FMN1: variants seen among roughly 807,000 people sequenced by gnomAD.
The protein encoded by FMN1 is formin 1.
FMN1 carries 110 observed loss-of-function variants against 132.4 expected under a neutral mutation model. That is an observed-to-expected ratio of 0.83 (90% CI 0.71 to 0.97). The LOEUF (loss-of-function observed/expected upper bound fraction) is 0.97, where lower values mean the gene tolerates loss of function less well. FMN1 is among the 50% of genes least tolerant of loss of function. FMN1 has a pLI of 0.00. For missense variants in FMN1, 1,792 were observed against 1,705.3 expected (o/e 1.05, Z -0.90); for synonymous variants, 722 against 651.7 (o/e 1.11, Z -1.64).
intron 4 of FMN1, among the ~76,000 whole-genome samples, chr15:33,147,427 G>A (rs1015046983): frequency 1.3e-5 from 2 of 152,044 alleles, no homozygotes; most frequent in Non-Finnish European, 2.9e-5. Flanking sequence ...TTTTAATCAT[G>A]GTGTTATTCT....
intron 6 of FMN1, among the ~76,000 whole-genome samples, chr15:33,057,298 G>A (rs980979875): frequency 2.0e-5 from 3 of 152,166 alleles, no homozygotes; most frequent in Non-Finnish European, 4.4e-5. Flanking sequence ...TGCTAAAGAT[G>A]TACTATTTAT....
At chr15:32,966,842 A>C (rs7178197) in intron 8 of FMN1, among the ~76,000 whole-genome samples, 7,494 of 152,322 alleles carry the variant, frequency 0.049, 222 homozygotes, top group Middle Eastern at 0.092. Flanking sequence ...GGTATCCCAA[A>C]TAATTGCACT....
At chr15:33,060,793 GT>G in intron 6 of FMN1, among the ~76,000 whole-genome samples, 1 of 152,328 alleles carries the variant, frequency 6.6e-6, no homozygotes, top group Non-Finnish European at 1.5e-5. Context: ...AAGCACGAGT[GT>G]TTTTCTTCAA....
intron 10 of FMN1, among the ~76,000 whole-genome samples, chr15:32,915,861 C>T (rs552485059): frequency 6.6e-6 from 1 of 152,326 alleles, no homozygotes; most frequent in African/African-American, 2.4e-5. Flanking sequence ...ATTTCACCTA[C>T]ACCTCACAAT....
At chr15:32,927,457 C>G (rs1222110165) in intron 9 of FMN1, among the ~76,000 whole-genome samples, 1 of 152,164 alleles carries the variant, frequency 6.6e-6, no homozygotes, top group African/African-American at 2.4e-5. Flanking sequence ...TGAGGTCTCA[C>G]TATATTGCCA....
intron 17 of FMN1, among the ~76,000 whole-genome samples, chr15:32,835,363 A>G (rs371770828): frequency 1.3e-5 from 2 of 152,204 alleles, no homozygotes; most frequent in African/African-American, 4.8e-5. Context: ...CCAAAGTGAA[A>G]TATCTTTTTC....
intron 16 of FMN1, among the ~76,000 whole-genome samples, chr15:32,883,300 T>G (rs1207816453): frequency 6.6e-6 from 1 of 151,770 alleles, no homozygotes; most frequent in East Asian, 1.9e-4. Context: ...CCCAGGAAAT[T>G]TGAGACTAGC....
rs552168265 is a variant in FMN1 at position 33,068,635 on chromosome 15, T to C, written c.2044-3561A>G. ...TTAATTTACTGCCCTTGAAGCTTTT[T>C]TTAAGTGCTTTCTTCCGCTTCCCTG... On this transcript the variant is annotated intron_variant, in intron 5 of 20. Coordinates refer to ENST00000616417, the MANE Select transcript of FMN1 (RefSeq NM_001277313.2). Among the ~76,000 whole-genome samples, 5 of 152,086 alleles carry C rather than the reference T, an allele frequency of 3.3e-5. No homozygotes were observed. The East Asian group carries it at 9.6e-4, about 29-fold the overall frequency.
rs371228603 is a variant in FMN1, at chr15:32,790,866, A to C, written c.4130+7938T>G. On this transcript the variant is annotated intron_variant, in intron 19 of 20. Coordinates refer to ENST00000616417, the MANE Select transcript of FMN1 (RefSeq NM_001277313.2). ...GTCCTAGAAGTGGAAAGATACACAT[A>C]AACTGCTAAAATAACAAGTTGGAAT... 5.3e-5 allele frequency among the ~76,000 whole-genome samples: 8 copies of C among 152,326 alleles called. 1 individual carries two copies. The highest frequency in any genetic ancestry group is 1.9e-4 in the East Asian group (1 of 5,188).
chr15:32,839,447 C>G (rs1464767045), intron 17 of FMN1, among the ~76,000 whole-genome samples: 1 of 152,082 alleles, frequency 6.6e-6, no homozygotes, highest in Non-Finnish European at 1.5e-5. Context: ...GTCTCGTAGA[C>G]TGGACTGTAA....
At chr15:33,121,670 A>T (rs1962571326) in intron 4 of FMN1, among the ~76,000 whole-genome samples, 1 of 148,402 alleles carries the variant, frequency 6.7e-6, no homozygotes, top group Non-Finnish European at 1.5e-5. Flanking sequence ...CTGGGATTAC[A>T]GGTGTCAGCC....
At chr15:33,135,604 G>C (rs149272229) in intron 4 of FMN1, among the ~76,000 whole-genome samples, 2 of 152,160 alleles carry the variant, frequency 1.3e-5, no homozygotes, top group South Asian at 4.1e-4. Context: ...AGGAGGCCTC[G>C]TGCCAGAGGT....
At chr15:33,038,894 T>G (rs2036301588) in intron 6 of FMN1, among the ~76,000 whole-genome samples, 1 of 152,202 alleles carries the variant, frequency 6.6e-6, no homozygotes, top group Admixed American at 6.5e-5. Context: ...TCTTTGGAGT[T>G]TCCTTCTGTG....
At chr15:32,848,349 T>TGTGTGTGCGC (rs1555471744) in intron 17 of FMN1, among the ~76,000 whole-genome samples, 6,170 of 151,680 alleles carry the variant, frequency 0.041, 418 homozygotes, top group African/African-American at 0.13. Flanking sequence ...TGTGTGTGCG[T>TGTGTGTGCGC]GCACACGTGT....
At position 32,863,210 on chromosome 15, in the gene FMN1, G is replaced by A. The variant is rs576142997; in HGVS notation, c.3836-6103C>T. 5.9e-5 allele frequency among the ~76,000 whole-genome samples: 9 copies of A among 152,302 alleles called. No individual in the cohort carries two copies. In the East Asian group the frequency reaches 7.7e-4, roughly 13 times the overall value. On this transcript the variant is annotated intron_variant, in intron 16 of 20. Coordinates refer to ENST00000616417, the MANE Select transcript of FMN1 (RefSeq NM_001277313.2). Reference sequence around the variant, plus strand: ...TGTAATCCCAGCACTTTGGGAGGCCGAGGCGGGCGGATCACGAGGTCAGGA... The same window carrying A: ...TGTAATCCCAGCACTTTGGGAGGCCAAGGCGGGCGGATCACGAGGTCAGGA...
chr15:33,081,188 G>A (rs370988539), intron 5 of FMN1, among the ~76,000 whole-genome samples: 10 of 152,108 alleles, frequency 6.6e-5, no homozygotes, highest in South Asian at 2.1e-4. Flanking sequence ...TTTTCTCCAC[G>A]GCTAGCTTTG....
chr15:33,012,963 CA>C, intron 6 of FMN1: 1 of 466,944 alleles, frequency 2.1e-6, no homozygotes, highest in Non-Finnish European at 4.2e-6. Flanking sequence ...ACTTTGGAGG[CA>C]AAAGCTCTGG....
At chr15:33,139,424 G>A (rs751303421) in intron 4 of FMN1, among the ~76,000 whole-genome samples, 34 of 149,002 alleles carry the variant, frequency 2.3e-4, no homozygotes, top group Non-Finnish European at 1.5e-4. Flanking sequence ...GTGAAACCCC[G>A]TCTCTACTAA....
rs147033989 is a variant in FMN1, at chr15:33,112,135, G to A, written c.1868-23161C>T. Among the ~76,000 whole-genome samples the A allele has an allele frequency of 4.8e-3, 732 of 151,934 alleles. 3 individuals are homozygous for A. Among genetic ancestry groups the A allele is most frequent in the Middle Eastern group, 0.01 (3 of 292 alleles). On this transcript the variant is annotated intron_variant, in intron 4 of 20. Transcript: ENST00000616417. ...AGATTTTAACCACAGCATTTTTATT[G>A]GTTTCAACTTGGAAACAATTTAAAT...
Sources: gnomAD v4.1 joint callset for allele counts (sites outside exome capture counted in the v4.1 genomes callset) on GRCh38, gnomAD v4.1.1 for gene constraint, MANE v1.5 for transcripts, NCBI Gene and HGNC (gene_info 2026-07-23, HGNC 2026-07-21) for gene names.